Variants in LMX1B observed in about 807,000 individuals in gnomAD.
The protein encoded by LMX1B is LIM homeobox transcription factor 1 beta.
LMX1B carries 12 observed loss-of-function variants against 51.4 expected under a neutral mutation model. The ratio of observed to expected loss-of-function variants is 0.23; its 90% CI spans 0.15 to 0.38. The LOEUF is 0.38. Among genes scored for constraint, LMX1B ranks in the 10% least tolerant of loss-of-function variants. LMX1B has a pLI of 1.00. For synonymous variants in LMX1B, 237 were observed against 235.4 expected, an observed-to-expected ratio of 1.01 and a Z score of -0.06; for missense variants, 445 against 571.1, an observed-to-expected ratio of 0.78 and a Z score of 2.25.
At chr9:126,619,342 G>C (rs568189503) in intron 2 of LMX1B, among the ~76,000 whole-genome samples, 52 of 152,140 alleles carry the variant, frequency 3.4e-4, no homozygotes, top group Non-Finnish European at 4.4e-4. Flanking sequence ...GAGCAGTCAG[G>C]CTCCGGCCTT....
chr9:126,642,911 G>A lies in LMX1B; in HGVS notation c.326+27342G>A, dbSNP rs141538782. On this transcript the variant is annotated intron_variant, in intron 2 of 7. Coordinates refer to ENST00000373474, the MANE Select transcript of LMX1B (RefSeq NM_001174147.2). ...TCTGCAGCCCGGGAAATCGGGAATT[G>A]GCCTCACCCTGTGTCTGGGTGTTAA... Among the ~76,000 whole-genome samples the A allele has an allele frequency of 7.1e-3, 1,080 of 152,272 alleles. 8 individuals are homozygous for A. The highest frequency in any genetic ancestry group is 0.011 in the Admixed American group (167 of 15,306).
intron 2 of LMX1B, among the ~76,000 whole-genome samples, chr9:126,630,778 T>C (rs1000774584): frequency 1.3e-5 from 2 of 152,204 alleles, no homozygotes; most frequent in Admixed American, 1.3e-4. Context: ...CACCACAGGG[T>C]GGGGCCGGCC....
rs1295071197 is a variant in LMX1B, at chr9:126,658,305, CT to C, written c.327-32530del. 6.6e-6 allele frequency among the ~76,000 whole-genome samples: 1 copy of C among 152,058 alleles called. No homozygotes were observed. The highest frequency in any genetic ancestry group is 1.5e-5 in the Non-Finnish European group (1 of 68,020). On this transcript the variant is annotated intron_variant, in intron 2 of 7. Transcript: ENST00000373474. The surrounding 1 kb of genome is among the most constrained non-coding windows in gnomAD (Gnocchi z 4.0). Reference sequence around the variant, plus strand: ...GCCTCTAAAATGAGGGAGGGACTTACTAGCTCTGGATCCCTTTGGCCAGGGT... The same window carrying C: ...GCCTCTAAAATGAGGGAGGGACTTACAGCTCTGGATCCCTTTGGCCAGGGT...
In LMX1B at chr9:126,696,016, A is replaced by ACGGGGGGCC; in HGVS notation, c.1051+14_1051+15insGGGGGGCCC. 6.6e-7 allele frequency: 1 copy of ACGGGGGGCC among 1,512,696 alleles called. No individual in the cohort carries two copies. The highest frequency in any genetic ancestry group is 8.8e-7 in the Non-Finnish European group (1 of 1,131,790). The allele number at this position is 1,512,696 out of a possible 1,614,324, so 93.7% of individuals were successfully genotyped here. A position where few individuals can be genotyped will look rare whatever the true frequency, so the allele number is the denominator to read the frequency against. On this transcript the variant is annotated intron_variant, in intron 7 of 7. Coordinates refer to ENST00000373474, the MANE Select transcript of LMX1B (RefSeq NM_001174147.2). ...ATGAACCCCTATGGTAAGCCGCCCT[A>ACGGGGGGCC]CCCCCACCCGCCCGCCCCAGCACAG...
chr9:126,645,287 C>A (rs557395523), intron 2 of LMX1B, among the ~76,000 whole-genome samples: 13 of 150,258 alleles, frequency 8.7e-5, no homozygotes, highest in African/African-American at 3.1e-4. Context: ...TCCCCTGGGC[C>A]TAGTCAGCCC....
chr9:126,624,674 T>G (rs1835485884), intron 2 of LMX1B, among the ~76,000 whole-genome samples: 1 of 151,528 alleles, frequency 6.6e-6, no homozygotes, highest in South Asian at 2.1e-4. Context: ...TTGTTTTTTT[T>G]TTTTTGGATT....
rs1215028487 is a variant in LMX1B at position 126,671,632 on chromosome 9, C to G, written c.327-19204C>G. On this transcript the variant is annotated intron_variant, in intron 2 of 7. Transcript: ENST00000373474. This position sits in a 1 kb window ranked among gnomAD's most constrained non-coding sequence, Gnocchi z 4.4. The stretch of plus-strand genomic sequence containing the variant: ...CGGCTCTGGCTCTCTAATCCTGTAT[C>G]TTTTGAAAGATAGGCGCACCCCGGG... Among the ~76,000 whole-genome samples the G allele has an allele frequency of 6.6e-6, 1 of 152,244 alleles. No homozygotes were observed. Among genetic ancestry groups the G allele is most frequent in the Non-Finnish European group, 1.5e-5 (1 of 68,042 alleles).
intron 2 of LMX1B, among the ~76,000 whole-genome samples, chr9:126,617,515 C>T (rs928861175): frequency 1.3e-5 from 2 of 151,746 alleles, no homozygotes; most frequent in South Asian, 4.2e-4. Flanking sequence ...GAAAGGATAA[C>T]CCCTGGTTCT....
At chr9:126,636,580 T>TG (rs1835715850) in intron 2 of LMX1B, among the ~76,000 whole-genome samples, 1 of 144,014 alleles carries the variant, frequency 6.9e-6, no homozygotes, top group Admixed American at 6.9e-5. Flanking sequence ...CAAGGGGAGG[T>TG]GGGGGGCCAG....
intron 2 of LMX1B, among the ~76,000 whole-genome samples, chr9:126,643,501 C>T (rs1169297604): frequency 6.6e-6 from 1 of 152,174 alleles, no homozygotes; most frequent in Non-Finnish European, 1.5e-5. Context: ...ACAATCTGTA[C>T]TCCCCTAGAT....
intron 2 of LMX1B, among the ~76,000 whole-genome samples, chr9:126,627,382 C>A (rs916253205): frequency 6.6e-6 from 1 of 152,066 alleles, no homozygotes; most frequent in Non-Finnish European, 1.5e-5. Context: ...CTTCTTCCTG[C>A]CAGCTGGAGC....
In LMX1B at chr9:126,695,586, T is replaced by A. The variant is rs1008131224; in HGVS notation, c.887-253T>A. Among the ~76,000 whole-genome samples, 8 of 152,094 alleles carry A rather than the reference T, an allele frequency of 5.3e-5. No homozygotes were observed. The highest frequency in any genetic ancestry group is 2.9e-5 in the Non-Finnish European group (2 of 68,006). Reference sequence around the variant, plus strand: ...GCCTGTGTGGGGTCTGCCGCCTCCCTGGATCCCCTGGAGGGGCGGGGTGGT... The same window carrying A: ...GCCTGTGTGGGGTCTGCCGCCTCCCAGGATCCCCTGGAGGGGCGGGGTGGT... On this transcript the variant is annotated intron_variant, in intron 6 of 7. Coordinates refer to ENST00000373474, the MANE Select transcript of LMX1B (RefSeq NM_001174147.2). The surrounding 1 kb of genome is among the most constrained non-coding windows in gnomAD (Gnocchi z 5.2).
intron 2 of LMX1B, among the ~76,000 whole-genome samples, chr9:126,621,058 CCAAGGAG>C (rs1354484879): frequency 6.6e-6 from 1 of 152,144 alleles, no homozygotes; most frequent in Non-Finnish European, 1.5e-5. Flanking sequence ...CGATGCTTCT[CCAAGGAG>C]CCGCCTTTGT....
At chr9:126,655,942 C>T (rs900246319) in intron 2 of LMX1B, among the ~76,000 whole-genome samples, 6 of 152,056 alleles carry the variant, frequency 3.9e-5, no homozygotes, top group Non-Finnish European at 7.3e-5. Context: ...CAAGAGGAGG[C>T]GAAGAGTCAG....
intron 2 of LMX1B, among the ~76,000 whole-genome samples, chr9:126,623,407 G>C (rs1331255424): frequency 6.6e-6 from 1 of 152,212 alleles, no homozygotes; most frequent in Non-Finnish European, 1.5e-5. Flanking sequence ...AGTGCCTCTA[G>C]AAGGGCAAGG....
intron 2 of LMX1B, among the ~76,000 whole-genome samples, chr9:126,688,903 G>C (rs1394381126): frequency 6.6e-6 from 1 of 152,238 alleles, no homozygotes; most frequent in East Asian, 1.9e-4. Flanking sequence ...AACCCTGGTA[G>C]AGGTGGTAGA....
chr9:126,613,947 G>T lies in LMX1B; in HGVS notation c.-503G>T, dbSNP rs1325349978. ...GCCGCCAGCCCCAGCTCTAAACCCG[G>T]CGGCTCAGCGGGCGCACCATGGCAC... On this transcript the variant is annotated 5_prime_UTR_variant, in exon 1 of 8. Transcript: ENST00000373474. The surrounding 1 kb of genome is among the most constrained non-coding windows in gnomAD (Gnocchi z 4.5). Among the ~76,000 whole-genome samples the T allele has an allele frequency of 2.0e-5, 3 of 146,366 alleles. No homozygotes were observed. The highest frequency in any genetic ancestry group is 6.8e-5 in the Admixed American group (1 of 14,756).
intron 2 of LMX1B, among the ~76,000 whole-genome samples, chr9:126,681,228 C>T (rs1836664506): frequency 1.3e-5 from 2 of 152,150 alleles, no homozygotes. Flanking sequence ...CACAGCATCT[C>T]CAGTCTGTGC....
chr9:126,628,161 C>T (rs1294346364), intron 2 of LMX1B, among the ~76,000 whole-genome samples: 2 of 152,244 alleles, frequency 1.3e-5, no homozygotes, highest in Admixed American at 6.5e-5. Flanking sequence ...CCCGCATACC[C>T]TGGGCTTGGC....
Sources: gnomAD v4.1 joint callset for allele counts (sites outside exome capture counted in the v4.1 genomes callset) on GRCh38, gnomAD v4.1.1 for gene constraint, Gnocchi (gnomAD v3.1) non-coding constraint, MANE v1.5 for transcripts, NCBI Gene and HGNC (gene_info 2026-07-23, HGNC 2026-07-21) for gene names.